VKORC1L1: variants seen among roughly 807,000 people sequenced by gnomAD.
VKORC1L1 encodes the protein vitamin K epoxide reductase complex subunit 1L1, also known as vitamin K epoxide reductase complex subunit 1-like protein 1.
VKORC1L1 carries 2 observed loss-of-function variants against 18.9 expected under a neutral mutation model. That is an observed-to-expected ratio of 0.11 (90% CI 0.04 to 0.33). The LOEUF (loss-of-function observed/expected upper bound fraction) is 0.33, where lower values mean the gene tolerates loss of function less well. VKORC1L1 is among the 10% of genes least tolerant of loss of function. The pLI is 1.00. For synonymous variants in VKORC1L1, 96 were observed against 100.0 expected, an observed-to-expected ratio of 0.96 and a Z score of 0.24; for missense variants, 123 against 224.1, an observed-to-expected ratio of 0.55 and a Z score of 2.88.
intron 1 of VKORC1L1, among the ~76,000 whole-genome samples, chr7:65,921,514 T>C (rs1789674895): frequency 6.6e-6 from 1 of 152,222 alleles, no homozygotes; most frequent in East Asian, 1.9e-4. Flanking sequence ...CCTTCTCAAG[T>C]AGTTGAGATT....
intron 1 of VKORC1L1, among the ~76,000 whole-genome samples, chr7:65,887,320 ATAT>A (rs1789032907): frequency 6.6e-6 from 1 of 152,178 alleles, no homozygotes; most frequent in African/African-American, 2.4e-5. Context: ...ACATTGATCT[ATAT>A]TAGATAAATA....
chr7:65,956,200 C>G lies in VKORC1L1; in HGVS notation c.*1900C>G, dbSNP rs1016029696. ...GTGTCTATGGAGAAAGAAGTCCTCA[C>G]GTTTGAGGGCTGTACAGTGAGGCCA... On this transcript the variant is annotated 3_prime_UTR_variant, in exon 3 of 3. Coordinates refer to ENST00000360768, the MANE Select transcript of VKORC1L1 (RefSeq NM_173517.6). 1 of 152,188 alleles carries G rather than the reference C, an allele frequency of 6.6e-6. No homozygotes were observed. Among genetic ancestry groups the G allele is most frequent in the Non-Finnish European group, 1.5e-5 (1 of 68,048 alleles). The allele number at this position is 152,188 out of a possible 1,614,324, so 9.4% of individuals were successfully genotyped here.
chr7:65,935,298 G>T (rs1248121391), intron 1 of VKORC1L1, among the ~76,000 whole-genome samples: 4 of 151,576 alleles, frequency 2.6e-5, no homozygotes. Context: ...GTACTTTAAA[G>T]ATTTCGGCCT....
rs544307516 is a variant in VKORC1L1 at position 65,947,137 on chromosome 7, A to G, written c.195-1534A>G. On this transcript the variant is annotated intron_variant, in intron 1 of 2. Transcript: ENST00000360768. Reference sequence around the variant, plus strand: ...GGCAACAGAGGAACATCCTGTCTCAAAAAAACAAAACAAAACAAAACAAAC... The same window carrying G: ...GGCAACAGAGGAACATCCTGTCTCAGAAAAACAAAACAAAACAAAACAAAC... 5.1e-4 allele frequency among the ~76,000 whole-genome samples: 78 copies of G among 152,210 alleles called. 1 individual carries two copies. The South Asian group carries it at 9.8e-3, about 19-fold the overall frequency.
chr7:65,919,901 CAAA>C (rs1367924342), intron 1 of VKORC1L1, among the ~76,000 whole-genome samples: 1 of 152,190 alleles, frequency 6.6e-6, no homozygotes, highest in African/African-American at 2.4e-5. Context: ...ACTAAAACTA[CAAA>C]AAAATTAGCC....
At chr7:65,894,906 AGAATTAAC>A (rs1325632290) in intron 1 of VKORC1L1, among the ~76,000 whole-genome samples, 1 of 152,178 alleles carries the variant, frequency 6.6e-6, no homozygotes, top group Non-Finnish European at 1.5e-5. Context: ...GAGAAACTTA[AGAATTAAC>A]AAGAAAATGA....
intron 1 of VKORC1L1, among the ~76,000 whole-genome samples, chr7:65,931,173 G>C (rs1416982257): frequency 2.0e-5 from 3 of 151,626 alleles, no homozygotes; most frequent in Non-Finnish European, 4.4e-5. Context: ...AATGATATTG[G>C]TCTGTGGTGG....
chr7:65,923,485 G>A (rs1789712242), intron 1 of VKORC1L1, among the ~76,000 whole-genome samples: 1 of 152,158 alleles, frequency 6.6e-6, no homozygotes, highest in African/African-American at 2.4e-5. Context: ...TTGAATGAGA[G>A]CGTGTGAGGG....
intron 1 of VKORC1L1, among the ~76,000 whole-genome samples, chr7:65,884,815 C>G (rs1228051048): frequency 6.6e-6 from 1 of 152,122 alleles, no homozygotes; most frequent in Non-Finnish European, 1.5e-5. Context: ...CCCCAAGCAT[C>G]AGCAAGATTT....
chr7:65,875,763 G>C (rs939207811), intron 1 of VKORC1L1, among the ~76,000 whole-genome samples: 1 of 151,892 alleles, frequency 6.6e-6, no homozygotes, highest in African/African-American at 2.4e-5. Context: ...CCTCAAGTTA[G>C]TTTTTTTTGA....
chr7:65,949,777 C>A (rs2115740904), intron 2 of VKORC1L1, among the ~76,000 whole-genome samples: 1 of 152,274 alleles, frequency 6.6e-6, no homozygotes, highest in South Asian at 2.1e-4. Context: ...GAGCAAGACG[C>A]TGTCTCAAAA....
intron 1 of VKORC1L1, among the ~76,000 whole-genome samples, chr7:65,940,118 G>A (rs757499479): frequency 6.6e-6 from 1 of 151,872 alleles, no homozygotes; most frequent in Non-Finnish European, 1.5e-5. Context: ...TCGAACTGCT[G>A]GACTCAAGCA....
At chr7:65,920,930 G>T (rs1436317613) in intron 1 of VKORC1L1, among the ~76,000 whole-genome samples, 1 of 152,042 alleles carries the variant, frequency 6.6e-6, no homozygotes, top group Non-Finnish European at 1.5e-5. Flanking sequence ...GAGAAGGAAA[G>T]AAAGAAGAAA....
intron 1 of VKORC1L1, among the ~76,000 whole-genome samples, chr7:65,889,883 G>C (rs1410248660): frequency 6.6e-6 from 1 of 152,124 alleles, no homozygotes; most frequent in Admixed American, 6.6e-5. Context: ...TGGAGCTGTA[G>C]TTTGTGCATT....
At chr7:65,952,088 A>G (rs1790221779) in intron 2 of VKORC1L1, among the ~76,000 whole-genome samples, 2 of 152,226 alleles carry the variant, frequency 1.3e-5, no homozygotes. Context: ...AGAAGTAGGC[A>G]TGATTGTTAT....
intron 1 of VKORC1L1, among the ~76,000 whole-genome samples, chr7:65,918,646 GTAACC>G (rs1789626873): frequency 6.6e-6 from 1 of 152,188 alleles, no homozygotes; most frequent in Admixed American, 6.5e-5. Flanking sequence ...TTCAGTGCAG[GTAACC>G]TATGGTGTCA....
chr7:65,943,180 C>G (rs1790064376), intron 1 of VKORC1L1, among the ~76,000 whole-genome samples: 1 of 152,068 alleles, frequency 6.6e-6, no homozygotes, highest in Non-Finnish European at 1.5e-5. Context: ...GGGAGGATCA[C>G]TTGAGCCCAG....
chr7:65,948,536 C>T, intron 1 of VKORC1L1, 135 bp from the exon 2 acceptor site: 1 of 317,078 alleles, frequency 3.2e-6, no homozygotes, highest in South Asian at 3.1e-5. Flanking sequence ...GGGCAAATCA[C>T]TCTCTCAACA....
intron 1 of VKORC1L1, among the ~76,000 whole-genome samples, chr7:65,908,439 A>G (rs1789443409): frequency 6.6e-6 from 1 of 152,252 alleles, no homozygotes. Flanking sequence ...AGATTTATTC[A>G]AGATTATTTA....
Sources: allele counts gnomAD v4.1 joint callset (sites outside exome capture counted in the v4.1 genomes callset), GRCh38; gene constraint gnomAD v4.1.1; transcripts MANE v1.5; gene names NCBI Gene and HGNC (gene_info 2026-07-23, HGNC 2026-07-21).